The following PAIP1 variants were observed in gnomAD, a reference collection of about 807,000 sequenced individuals.
PAIP1 encodes the protein polyadenylate-binding protein-interacting protein 1.
Under a neutral mutation model 61.3 loss-of-function variants are expected in PAIP1, and 16 were observed. That is an observed-to-expected ratio of 0.26 (90% CI 0.18 to 0.40). The LOEUF (loss-of-function observed/expected upper bound fraction) is 0.40, where lower values mean the gene tolerates loss of function less well. Among genes scored for constraint, PAIP1 ranks in the 10% least tolerant of loss-of-function variants. The probability of loss-of-function intolerance (pLI) is 1.00; values close to 1 mark genes in which losing one functional copy is unlikely to be tolerated. For missense variants in PAIP1, 416 were observed against 600.9 expected (o/e 0.69, Z 3.22); for synonymous variants, 187 against 226.2 (o/e 0.83, Z 1.56).
chr5:43,552,575 A>G (rs1747905244), intron 2 of PAIP1, among the ~76,000 whole-genome samples: 1 of 152,220 alleles, frequency 6.6e-6, no homozygotes, highest in Admixed American at 6.5e-5. Flanking sequence ...AAGTACTGCC[A>G]CAGAAGCCAA....
intron 2 of PAIP1, among the ~76,000 whole-genome samples, chr5:43,553,062 C>CT (rs1226509763): frequency 1.5e-4 from 15 of 97,848 alleles, no homozygotes; most frequent in African/African-American, 9.2e-4. Flanking sequence ...AAAAAAAGCT[C>CT]GTTTTTTTGC....
In PAIP1 at chr5:43,553,063, G is replaced by A. The variant is rs950988207; in HGVS notation, c.435+2767C>T. Among the ~76,000 whole-genome samples the A allele has an allele frequency of 4.6e-5, 7 of 151,968 alleles. No homozygotes were observed. In the East Asian group the frequency reaches 1.2e-3, roughly 25 times the overall value. ...AGGGATTCTCTTAGAAAAAAAGCTC[G>A]TTTTTTTGCAGGGGAGGAAGGGGAC... On this transcript the variant is annotated intron_variant, in intron 2 of 10. Coordinates refer to ENST00000306846, the MANE Select transcript of PAIP1 (RefSeq NM_006451.5).
At chr5:43,535,046 A>G (rs1406744454) in intron 7 of PAIP1, 76 bp from the exon 8 acceptor site, 1 of 793,238 alleles carries the variant, frequency 1.3e-6, no homozygotes, top group East Asian at 2.4e-5. Context: ...CAGATTCCCA[A>G]AACTTTATTT....
At chr5:43,544,309 A>G (rs1284829764) in intron 3 of PAIP1, among the ~76,000 whole-genome samples, 2 of 152,166 alleles carry the variant, frequency 1.3e-5, no homozygotes, top group East Asian at 1.9e-4. Flanking sequence ...ACATGGGGCC[A>G]GTATATGTCA....
At chr5:43,529,412 T>C (rs923956250) in intron 10 of PAIP1, among the ~76,000 whole-genome samples, 5 of 151,956 alleles carry the variant, frequency 3.3e-5, no homozygotes, top group African/African-American at 1.2e-4. Context: ...AAAATGCCTT[T>C]TTTTTTTTTG....
chr5:43,550,837 C>CAAAAAAAAAAAAA (rs373730839), intron 2 of PAIP1, among the ~76,000 whole-genome samples: 20 of 49,564 alleles, frequency 4.0e-4, no homozygotes, highest in African/African-American at 9.9e-4. Context: ...AAATATACTA[C>CAAAAAAAAAAAAA]AAAAAAAAAA....
chr5:43,550,905 A>G, intron 2 of PAIP1, among the ~76,000 whole-genome samples: 1 of 151,240 alleles, frequency 6.6e-6, no homozygotes, highest in Non-Finnish European at 1.5e-5. Flanking sequence ...ATAAACTAAG[A>G]AAGAAAAAAA....
intron 5 of PAIP1, among the ~76,000 whole-genome samples, chr5:43,538,396 T>C (rs1747242667): frequency 6.6e-6 from 1 of 152,210 alleles, no homozygotes; most frequent in Non-Finnish European, 1.5e-5. Context: ...AATAGCTTGA[T>C]TTAGCCATTC....
At chr5:43,549,341 A>G (rs1204013741) in intron 2 of PAIP1, among the ~76,000 whole-genome samples, 1 of 152,090 alleles carries the variant, frequency 6.6e-6, no homozygotes, top group South Asian at 2.1e-4. Flanking sequence ...TCTCAACTTG[A>G]ATTGTATCTC....
chr5:43,532,193 A>G (rs1335995986), intron 9 of PAIP1, among the ~76,000 whole-genome samples: 1 of 152,206 alleles, frequency 6.6e-6, no homozygotes, highest in Non-Finnish European at 1.5e-5. Flanking sequence ...AACAGGTTAG[A>G]AAAAATAAAA....
intron 1 of PAIP1, chr5:43,556,317 G>A (rs1748070680): frequency 4.0e-6 from 5 of 1,236,834 alleles, no homozygotes; most frequent in Non-Finnish European, 5.0e-6. Context: ...CTGAGGGGAG[G>A]CGATTTTTAC....
In PAIP1 at chr5:43,556,901, G is replaced by C. The variant is rs1407325157; in HGVS notation, c.-55C>G. 26 of 1,332,100 alleles carry C rather than the reference G, an allele frequency of 2.0e-5. No homozygotes were observed. Among genetic ancestry groups the C allele is most frequent in the Non-Finnish European group, 2.5e-5 (26 of 1,043,498 alleles). The allele number at this position is 1,332,100 out of a possible 1,614,324, so 82.5% of individuals were successfully genotyped here. ...GGCCGCTGCCGCTGCGCTCGCGATA[G>C]GACGCGGGGGGAAGGCGCCGCGGGT... On this transcript the variant is annotated 5_prime_UTR_variant, in exon 1 of 11. Transcript: ENST00000306846.
At chr5:43,547,089 C>G (rs1353136798) in intron 3 of PAIP1, among the ~76,000 whole-genome samples, 1 of 131,522 alleles carries the variant, frequency 7.6e-6, no homozygotes, top group Admixed American at 7.7e-5. Flanking sequence ...TGTTAATGAC[C>G]AATATGCTGG....
intron 2 of PAIP1, among the ~76,000 whole-genome samples, chr5:43,551,647 G>A (rs1747870685): frequency 6.6e-6 from 1 of 152,006 alleles, no homozygotes; most frequent in Non-Finnish European, 1.5e-5. Flanking sequence ...ACAGCAGAAA[G>A]GCAAAGGTAC....
chr5:43,528,600 A>AT (rs375452804), intron 10 of PAIP1, among the ~76,000 whole-genome samples: 16 of 151,916 alleles, frequency 1.1e-4, no homozygotes, highest in African/African-American at 3.1e-4. Flanking sequence ...AAATCCCTGT[A>AT]TTTTTTTTGT....
intron 2 of PAIP1, among the ~76,000 whole-genome samples, chr5:43,550,171 T>C (rs558703131): frequency 6.6e-5 from 10 of 152,276 alleles, no homozygotes; most frequent in African/African-American, 2.4e-4. Context: ...GGATAAACTC[T>C]AATACATTAG....
At chr5:43,528,936 T>C (rs1746818660) in intron 10 of PAIP1, among the ~76,000 whole-genome samples, 1 of 152,156 alleles carries the variant, frequency 6.6e-6, no homozygotes, top group South Asian at 2.1e-4. Flanking sequence ...AAGGGATCTT[T>C]AATTACAAAG....
At chr5:43,531,676 A>AAGAG (rs1491401293) in intron 9 of PAIP1, among the ~76,000 whole-genome samples, 7 of 143,098 alleles carry the variant, frequency 4.9e-5, no homozygotes, top group Non-Finnish European at 7.6e-5. Context: ...AAAAAAAAAA[A>AAGAG]AGAGAAAAAA....
At chr5:43,550,837 C>CAAAAAAAAAAAAAAAAAAAAAAAA (rs373730839) in intron 2 of PAIP1, among the ~76,000 whole-genome samples, 24 of 49,566 alleles carry the variant, frequency 4.8e-4, no homozygotes, top group African/African-American at 6.0e-4. Flanking sequence ...AAATATACTA[C>CAAAAAAAAAAAAAAAAAAAAAAAA]AAAAAAAAAA....
Sources: gnomAD v4.1 joint callset for allele counts (sites outside exome capture counted in the v4.1 genomes callset) on GRCh38, gnomAD v4.1.1 for gene constraint, MANE v1.5 for transcripts, NCBI Gene and HGNC (gene_info 2026-07-23, HGNC 2026-07-21) for gene names.